The following ARID1B variants were observed in gnomAD, a reference collection of about 807,000 sequenced individuals.
ARID1B encodes AT-rich interactive domain-containing protein 1B.
In ARID1B, 30 loss-of-function variants were observed where a neutral mutation model predicts 212.3. The ratio of observed to expected loss-of-function variants is 0.14; its 90% CI spans 0.11 to 0.19. The LOEUF (loss-of-function observed/expected upper bound fraction) is 0.19. ARID1B is among the 10% of genes least tolerant of loss of function. The probability of loss-of-function intolerance (pLI) is 1.00; values close to 1 mark genes in which losing one functional copy is unlikely to be tolerated. For missense variants in ARID1B, 2,891 were observed against 3,204.0 expected, an observed-to-expected ratio of 0.90 and a Z score of 2.36; for synonymous variants, 1,402 against 1,301.7, an observed-to-expected ratio of 1.08 and a Z score of -1.66.
chr6:157,121,456 T>C (rs1483728495), intron 6 of ARID1B, among the ~76,000 whole-genome samples: 1 of 152,176 alleles, frequency 6.6e-6, no homozygotes, highest in Admixed American at 6.5e-5. Context: ...TCTGTATTCC[T>C]ACTATACAAA....
intron 1 of ARID1B, among the ~76,000 whole-genome samples, chr6:156,794,680 A>G (rs1391993425): frequency 6.8e-6 from 1 of 146,444 alleles, no homozygotes; most frequent in East Asian, 2.0e-4. Context: ...TCCTGGGCTC[A>G]AGTGACTCCC....
intron 11 of ARID1B, among the ~76,000 whole-genome samples, chr6:157,179,199 A>G (rs1792331131): frequency 6.6e-6 from 1 of 152,150 alleles, no homozygotes; most frequent in Non-Finnish European, 1.5e-5. Context: ...ACTCTATACT[A>G]AAATTTAGAA....
At chr6:156,918,195 G>C (rs528250113) in intron 3 of ARID1B, among the ~76,000 whole-genome samples, 2 of 152,280 alleles carry the variant, frequency 1.3e-5, no homozygotes, top group East Asian at 3.9e-4. Flanking sequence ...AAGGAACACA[G>C]AAGTCACATT....
chr6:156,899,117 C>T (rs1788718717), intron 2 of ARID1B, among the ~76,000 whole-genome samples: 1 of 152,162 alleles, frequency 6.6e-6, no homozygotes, highest in African/African-American at 2.4e-5. Context: ...ATAATGGCAC[C>T]TGTATAGACT....
At chr6:157,140,854 C>T in intron 7 of ARID1B, 1 of 393,182 alleles carries the variant, frequency 2.5e-6, no homozygotes, top group Non-Finnish European at 4.5e-6. Context: ...CCCCTCAGCA[C>T]TCTGCAGAGT....
chr6:156,921,001 C>G (rs1382972996), intron 3 of ARID1B, among the ~76,000 whole-genome samples: 1 of 152,054 alleles, frequency 6.6e-6, no homozygotes, highest in Admixed American at 6.6e-5. Context: ...GGATTACAGG[C>G]AGTAATTAAT....
chr6:156,871,023 C>A (rs1222775668), intron 2 of ARID1B, among the ~76,000 whole-genome samples: 2 of 152,104 alleles, frequency 1.3e-5, no homozygotes, highest in Non-Finnish European at 2.9e-5. Context: ...AGCATTATGC[C>A]TAAAAGAGAT....
chr6:157,115,198 T>C (rs186417391), intron 6 of ARID1B, among the ~76,000 whole-genome samples: 125 of 152,318 alleles, frequency 8.2e-4, no homozygotes, highest in African/African-American at 2.7e-3. Context: ...TTTCCCCACA[T>C]TGTACACAGA....
At chr6:156,898,610 C>A (rs1232338845) in intron 2 of ARID1B, among the ~76,000 whole-genome samples, 1 of 152,152 alleles carries the variant, frequency 6.6e-6, no homozygotes, top group Non-Finnish European at 1.5e-5. Flanking sequence ...GTCTGAACAG[C>A]ATATAGTAGA....
intron 4 of ARID1B, among the ~76,000 whole-genome samples, chr6:156,972,326 G>A (rs1776983872): frequency 6.6e-6 from 1 of 152,132 alleles, no homozygotes; most frequent in South Asian, 2.1e-4. Flanking sequence ...AGGGATTGGG[G>A]CCAGCCAAAG....
At chr6:156,888,833 C>G (rs937577872) in intron 2 of ARID1B, among the ~76,000 whole-genome samples, 2 of 152,144 alleles carry the variant, frequency 1.3e-5, no homozygotes, top group Non-Finnish European at 2.9e-5. Context: ...TAGAGTTTTA[C>G]GAAGTCATGT....
At chr6:157,126,124 G>A (rs866303464) in intron 6 of ARID1B, among the ~76,000 whole-genome samples, 6 of 152,104 alleles carry the variant, frequency 3.9e-5, no homozygotes, top group Admixed American at 1.3e-4. Flanking sequence ...ATAGAACCCC[G>A]CGCAGTGACT....
At chr6:156,835,394 G>A (rs1219907549) in intron 2 of ARID1B, among the ~76,000 whole-genome samples, 4 of 152,076 alleles carry the variant, frequency 2.6e-5, no homozygotes, top group African/African-American at 9.7e-5. Context: ...CATATTTTAA[G>A]TTAAATAAAG....
Position 157,206,905 on chromosome 6 carries a change from G to A in ARID1B, c.6133G>A (p.Glu2045Lys), listed in dbSNP as rs1554237648. 1 of 1,614,178 alleles carries A rather than the reference G, an allele frequency of 6.2e-7. No homozygotes were observed. Among genetic ancestry groups the A allele is most frequent in the Non-Finnish European group, 8.5e-7 (1 of 1,180,030 alleles). Residue 2045 changes from glutamate to lysine, a missense_variant, in exon 20 of 20, where the codon GAG (glutamate) becomes AAG (lysine). By Grantham distance (56) the Glu-to-Lys change is moderately conservative (BLOSUM62 1). Transcript: ENST00000636930. This position sits in a 1 kb window ranked among gnomAD's most constrained non-coding sequence, Gnocchi z 6.8. ...CCGGAACATCAAGCTGCTGGAGGAC[G>A]AGCCCAGGAGCCGAGACGAGACTCC... ...SHRNIKLLEDEPRSRDETPLC... is the reference protein window; with the variant it reads ...SHRNIKLLEDKPRSRDETPLC...
intron 4 of ARID1B, among the ~76,000 whole-genome samples, chr6:157,009,645 T>G (rs952605299): frequency 1.3e-5 from 2 of 152,258 alleles, no homozygotes; most frequent in African/African-American, 4.8e-5. Flanking sequence ...AAAATGCTCA[T>G]CAATTGAGAC....
chr6:156,984,370 C>T (rs909434056), intron 4 of ARID1B, among the ~76,000 whole-genome samples: 1 of 152,122 alleles, frequency 6.6e-6, no homozygotes, highest in Non-Finnish European at 1.5e-5. Context: ...CTTCCTTCTG[C>T]CCCACAGTGC....
intron 2 of ARID1B, among the ~76,000 whole-genome samples, chr6:156,854,905 G>T (rs1239645963): frequency 1.3e-5 from 2 of 152,210 alleles, no homozygotes; most frequent in African/African-American, 2.4e-5. Flanking sequence ...GTGTTAAGTT[G>T]TAACATGGGC....
intron 5 of ARID1B, among the ~76,000 whole-genome samples, chr6:157,093,111 G>C (rs573245962): frequency 6.6e-6 from 1 of 152,242 alleles, no homozygotes; most frequent in African/African-American, 2.4e-5. Context: ...TCAGAATGGA[G>C]GGGTACAAAA....
Position 157,167,163 on chromosome 6 carries a change from C to T in ARID1B, c.3213C>T (p.Pro1071=), listed in dbSNP as rs765720893. The T allele has an allele frequency of 8.8e-5, 142 of 1,608,714 alleles. No individual in the cohort carries two copies. The highest frequency in any genetic ancestry group is 1.6e-4 in the Middle Eastern group (1 of 6,084). The change falls in exon 9 of 20, where the codon CCC becomes CCT. Residue 1071 remains proline, a synonymous_variant. Transcript: ENST00000636930. ...NTQAPPYSMA[P]AMVNSSAASV... is the part of the protein sequence containing the mutation. ...AGGCGCCGCCCTACAGCATGGCGCC[C>T]GCCATGGTGAACAGCTCGGCAGGTA...
Sources: gnomAD v4.1 joint callset for allele counts (sites outside exome capture counted in the v4.1 genomes callset) on GRCh38, gnomAD v4.1.1 for gene constraint, Gnocchi (gnomAD v3.1) non-coding constraint, MANE v1.5 for transcripts, NCBI Gene and HGNC (gene_info 2026-07-23, HGNC 2026-07-21) for gene names.